GUCY1A2: variants seen among roughly 807,000 people sequenced by gnomAD.
GUCY1A2 encodes guanylate cyclase soluble subunit alpha-2.
Under a neutral mutation model 63.5 loss-of-function variants are expected in GUCY1A2, and 27 were observed. That is an observed-to-expected ratio of 0.43 (90% confidence interval 0.31 to 0.59). The LOEUF (loss-of-function observed/expected upper bound fraction) is 0.59, where lower values mean the gene tolerates loss of function less well. Among genes scored for constraint, GUCY1A2 ranks in the 20% least tolerant of loss-of-function variants. The probability of loss-of-function intolerance (pLI) is 0.11; values close to 1 mark genes in which losing one functional copy is unlikely to be tolerated. For missense variants in GUCY1A2, 768 were observed against 913.3 expected (o/e 0.84, Z 2.05); for synonymous variants, 364 against 343.5 (o/e 1.06, Z -0.66).
chr11:106,842,814 A>C (rs41401549), intron 4 of GUCY1A2, among the ~76,000 whole-genome samples: 1 of 151,682 alleles, frequency 6.6e-6, no homozygotes, highest in African/African-American at 2.4e-5. Context: ...TGTGATTCTC[A>C]AATAAGCTTC....
At chr11:106,810,917 G>A (rs1446006497) in intron 4 of GUCY1A2, among the ~76,000 whole-genome samples, 2 of 151,950 alleles carry the variant, frequency 1.3e-5, no homozygotes, top group Non-Finnish European at 2.9e-5. Flanking sequence ...AATCCAGGAG[G>A]TTAAAATGAA....
At chr11:106,987,485 T>A (rs1347008693) in intron 1 of GUCY1A2, among the ~76,000 whole-genome samples, 1 of 152,116 alleles carries the variant, frequency 6.6e-6, no homozygotes, top group East Asian at 1.9e-4. Flanking sequence ...ACCCTGTCTC[T>A]ACTAAAAGTA....
chr11:106,897,140 AT>A (rs1479546770), intron 4 of GUCY1A2, among the ~76,000 whole-genome samples: 3 of 152,154 alleles, frequency 2.0e-5, no homozygotes, highest in Non-Finnish European at 4.4e-5. Flanking sequence ...GACCTAAAAA[AT>A]ATGTACAAGA....
intron 6 of GUCY1A2, among the ~76,000 whole-genome samples, chr11:106,709,860 A>C (rs1863057497): frequency 4.6e-5 from 6 of 131,016 alleles, no homozygotes; most frequent in African/African-American, 1.6e-4. Context: ...TATATATTAT[A>C]TACACGTATA....
rs1039549679 is a variant in GUCY1A2 at position 106,983,031 on chromosome 11, G to A, written c.365+3039C>T. Among the ~76,000 whole-genome samples the A allele has an allele frequency of 3.3e-5, 5 of 152,142 alleles. No homozygotes were observed. In the East Asian group the frequency reaches 7.7e-4, roughly 23 times the overall value. On this transcript the variant is annotated intron_variant, in intron 2 of 7. Coordinates refer to ENST00000526355, the MANE Select transcript of GUCY1A2 (RefSeq NM_000855.3). ...CTCTGGGAGCAGGGCCCAGTAATAC[G>A]TGTTTTAACAAGGCTGGCAGGTGAT...
intron 4 of GUCY1A2, among the ~76,000 whole-genome samples, chr11:106,848,525 T>C (rs1859308372): frequency 6.6e-6 from 1 of 151,670 alleles, no homozygotes; most frequent in Non-Finnish European, 1.5e-5. Context: ...GCATATCTTC[T>C]TGTTTTAACA....
intron 4 of GUCY1A2, among the ~76,000 whole-genome samples, chr11:106,913,932 T>C (rs1284375803): frequency 1.4e-5 from 2 of 137,944 alleles, no homozygotes; most frequent in East Asian, 4.2e-4. Flanking sequence ...GGCTAAAGAC[T>C]GAAAGAGTGC....
At chr11:106,783,034 G>A (rs1292136482) in intron 5 of GUCY1A2, among the ~76,000 whole-genome samples, 3 of 152,238 alleles carry the variant, frequency 2.0e-5, no homozygotes, top group East Asian at 3.9e-4. Context: ...GGACATACTC[G>A]AAGATAACCA....
intron 6 of GUCY1A2, 96 bp downstream of exon 6, chr11:106,776,343 C>T (rs1864356888): frequency 1.0e-6 from 1 of 963,756 alleles, no homozygotes; most frequent in South Asian, 1.6e-5. Flanking sequence ...TTGTCTAGAT[C>T]TATAAATTAC....
chr11:106,796,143 T>C (rs1001150023), intron 5 of GUCY1A2, among the ~76,000 whole-genome samples: 1 of 152,330 alleles, frequency 6.6e-6, no homozygotes, highest in East Asian at 1.9e-4. Context: ...CTGCCTTTTT[T>C]GTTTTCCATT....
chr11:106,830,380 A>G (rs1859034026), intron 4 of GUCY1A2, among the ~76,000 whole-genome samples: 1 of 152,170 alleles, frequency 6.6e-6, no homozygotes, highest in Non-Finnish European at 1.5e-5. Context: ...CTGAATGTCA[A>G]CTTGATTGGA....
At chr11:106,966,454 G>A (rs1009981705) in intron 3 of GUCY1A2, among the ~76,000 whole-genome samples, 2 of 152,166 alleles carry the variant, frequency 1.3e-5, no homozygotes, top group Middle Eastern at 3.4e-3. Context: ...TGAAGTTTTC[G>A]TATTTGTTAC....
chr11:106,985,711 A>G (rs1591354725), intron 2 of GUCY1A2, among the ~76,000 whole-genome samples: 1 of 152,230 alleles, frequency 6.6e-6, no homozygotes, highest in South Asian at 2.1e-4. Flanking sequence ...AACTCTACTT[A>G]AGGATTCTAA....
chr11:106,801,118 T>G (rs1858595074), intron 5 of GUCY1A2, among the ~76,000 whole-genome samples: 1 of 152,150 alleles, frequency 6.6e-6, no homozygotes, highest in African/African-American at 2.4e-5. Context: ...AATAAGTATT[T>G]ATGATATCCA....
chr11:106,932,822 C>G (rs1565335864), intron 4 of GUCY1A2, among the ~76,000 whole-genome samples: 1 of 152,026 alleles, frequency 6.6e-6, no homozygotes, highest in Non-Finnish European at 1.5e-5. Context: ...AAGCTACACA[C>G]AGCCATCTGA....
intron 6 of GUCY1A2, among the ~76,000 whole-genome samples, chr11:106,737,263 C>T (rs913443453): frequency 1.2e-4 from 19 of 152,208 alleles, no homozygotes; most frequent in East Asian, 3.9e-4. Flanking sequence ...CTGGCTCCCC[C>T]GTGATAGTTA....
intron 5 of GUCY1A2, among the ~76,000 whole-genome samples, chr11:106,787,670 C>T (rs1269300389): frequency 6.9e-6 from 1 of 144,318 alleles, no homozygotes; most frequent in Non-Finnish European, 1.5e-5. Flanking sequence ...TTTCAGTTAA[C>T]CTAATGATTT....
At chr11:106,975,010 A>G (rs532384987) in intron 3 of GUCY1A2, among the ~76,000 whole-genome samples, 21 of 152,204 alleles carry the variant, frequency 1.4e-4, no homozygotes, top group Admixed American at 3.9e-4. Flanking sequence ...TCTTTTTCCT[A>G]CACCCCAACT....
intron 1 of GUCY1A2, among the ~76,000 whole-genome samples, chr11:107,012,003 T>G (rs537367511): frequency 1.3e-5 from 2 of 152,284 alleles, no homozygotes; most frequent in African/African-American, 4.8e-5. Flanking sequence ...CTACAATTTT[T>G]CTAATTTAAA....
Sources: allele counts gnomAD v4.1 joint callset (sites outside exome capture counted in the v4.1 genomes callset), GRCh38; gene constraint gnomAD v4.1.1; transcripts MANE v1.5; gene names NCBI Gene and HGNC (gene_info 2026-07-23, HGNC 2026-07-21).